RBFOX1: variants seen among roughly 807,000 people sequenced by gnomAD.
The protein encoded by RBFOX1 is RNA binding protein fox-1 homolog 1.
In RBFOX1, 8 loss-of-function variants were observed where a neutral mutation model predicts 57.7. The ratio of observed to expected loss-of-function variants is 0.14; its 90% CI spans 0.08 to 0.25. The LOEUF (loss-of-function observed/expected upper bound fraction) is 0.25. Ranked by LOEUF, RBFOX1 falls within the 10% of genes least tolerant of loss-of-function variation. The pLI is 1.00. For missense variants in RBFOX1, 611 were observed against 548.5 expected (o/e 1.11, Z -1.14); for synonymous variants, 326 against 222.4 (o/e 1.47, Z -4.15).
rs138547529 is a variant in RBFOX1, at chr16:5,835,105, T to C, written c.319-32198T>C. Among the ~76,000 whole-genome samples, 61 of 152,224 alleles carry C rather than the reference T, an allele frequency of 4.0e-4. 1 individual carries two copies. In the East Asian group the frequency reaches 0.011, roughly 27 times the overall value. ...GTGGGATGGCTCAACTTGACACATC[T>C]GTGTCATTATATAGGACCCCCCCCA... On this transcript the variant is annotated intron_variant, in intron 3 of 19. Transcript: ENST00000641259.
In RBFOX1 at chr16:7,295,170, G is replaced by C. The variant is rs533881501; in HGVS notation, c.28-222977G>C. 7.2e-5 allele frequency among the ~76,000 whole-genome samples: 11 copies of C among 152,300 alleles called. No homozygotes were observed. The South Asian group carries it at 2.3e-3, about 32-fold the overall frequency. On this transcript the variant is annotated intron_variant, in intron 4 of 15. Transcript: ENST00000550418. ...TTAATGTGTAAGCTGGCATTCATTT[G>C]ATTCATTAGCAAGGTTAAATAAATT...
At chr16:7,059,763 C>T (rs956662904) in intron 4 of RBFOX1, among the ~76,000 whole-genome samples, 1 of 152,166 alleles carries the variant, frequency 6.6e-6, no homozygotes, top group Non-Finnish European at 1.5e-5. Context: ...TCACCCGTTG[C>T]AGTGTCTGCT....
rs563948834 is a variant in RBFOX1 at position 6,019,772 on chromosome 16, C to G, written c.-347C>G. 1.4e-5 allele frequency: 20 copies of G among 1,408,882 alleles called. No homozygotes were observed. Among genetic ancestry groups the G allele is most frequent in the Non-Finnish European group, 1.8e-5 (19 of 1,080,646 alleles). 87.3% of individuals were successfully genotyped at this position (1,408,882 alleles called of 1,614,324 possible). A position where few individuals can be genotyped will look rare whatever the true frequency, so the allele number is the denominator to read the frequency against. ...GCGCTCCAGACCCCCACCCAGTGGCCGCCAGGGTCCCCGCCTGTCCGGACC... is the reference window on the plus strand; with the variant it reads ...GCGCTCCAGACCCCCACCCAGTGGCGGCCAGGGTCCCCGCCTGTCCGGACC... On this transcript the variant is annotated 5_prime_UTR_variant, in exon 1 of 16. Transcript: ENST00000550418. The surrounding 1 kb of genome is among the most constrained non-coding windows in gnomAD (Gnocchi z 4.2).
At chr16:5,719,905 C>G (rs900675784) in intron 3 of RBFOX1, among the ~76,000 whole-genome samples, 1 of 152,112 alleles carries the variant, frequency 6.6e-6, no homozygotes, top group Non-Finnish European at 1.5e-5. Context: ...TTTGACTTCT[C>G]TCGAAAGTAT....
At chr16:6,257,096 A>T (rs2097672601) in intron 1 of RBFOX1, among the ~76,000 whole-genome samples, 1 of 152,082 alleles carries the variant, frequency 6.6e-6, no homozygotes, top group African/African-American at 2.4e-5. Context: ...TGATTTGGTT[A>T]CTTATTTTTC....
chr16:5,499,868 C>T (rs765774028), intron 2 of RBFOX1, among the ~76,000 whole-genome samples: 12 of 152,062 alleles, frequency 7.9e-5, no homozygotes, highest in African/African-American at 1.7e-4. Flanking sequence ...CCACTGTGCC[C>T]GGCCAAGCCC....
Position 7,711,992 on chromosome 16 carries a change from G to C in RBFOX1, c.*1247G>C, listed in dbSNP as rs2084064085. The C allele has an allele frequency of 1.3e-5, 2 of 152,486 alleles. No homozygotes were observed. Among genetic ancestry groups the C allele is most frequent in the South Asian group, 4.2e-4 (2 of 4,802 alleles). The allele number at this position is 152,486 out of a possible 1,614,324, so 9.4% of individuals were successfully genotyped here. On this transcript the variant is annotated 3_prime_UTR_variant, in exon 16 of 16. Transcript: ENST00000550418. Reference sequence around the variant, plus strand: ...ATCTCAAAATGATCTCTTTAGTTCTGTCTCCAAGGCCCAGGACACTTGTCA... The same window carrying C: ...ATCTCAAAATGATCTCTTTAGTTCTCTCTCCAAGGCCCAGGACACTTGTCA...
At chr16:5,565,985 TC>T (rs2046053975) in intron 2 of RBFOX1, among the ~76,000 whole-genome samples, 1 of 152,102 alleles carries the variant, frequency 6.6e-6, no homozygotes, top group Non-Finnish European at 1.5e-5. Flanking sequence ...AGTGAATAAG[TC>T]TCCTGAGATC....
intron 1 of RBFOX1, among the ~76,000 whole-genome samples, chr16:6,046,409 C>A (rs1448766320): frequency 6.6e-6 from 1 of 152,056 alleles, no homozygotes; most frequent in Non-Finnish European, 1.5e-5. Context: ...TGACAAGACC[C>A]CAGGGCTCCA....
intron 4 of RBFOX1, among the ~76,000 whole-genome samples, chr16:7,202,802 G>C (rs186734920): frequency 3.9e-5 from 6 of 152,238 alleles, no homozygotes; most frequent in African/African-American, 1.2e-4. Context: ...CCCTGCAACA[G>C]CCCCCCACCC....
chr16:7,698,292 A>C (rs1481152949), intron 14 of RBFOX1, among the ~76,000 whole-genome samples: 1 of 151,992 alleles, frequency 6.6e-6, no homozygotes, highest in Non-Finnish European at 1.5e-5. Flanking sequence ...CCCACCATGC[A>C]TTCCCTTAGC....
chr16:5,784,567 G>T (rs1253867419), intron 3 of RBFOX1, among the ~76,000 whole-genome samples: 1 of 152,152 alleles, frequency 6.6e-6, no homozygotes, highest in Admixed American at 6.5e-5. Flanking sequence ...CTGGGATGGT[G>T]CTAAACTCTT....
chr16:5,627,826 A>G (rs544999034), intron 3 of RBFOX1, among the ~76,000 whole-genome samples: 1 of 152,360 alleles, frequency 6.6e-6, no homozygotes, highest in Non-Finnish European at 1.5e-5. Flanking sequence ...CATAGGTTCT[A>G]TGCAAATACT....
intron 2 of RBFOX1, among the ~76,000 whole-genome samples, chr16:6,324,634 G>C (rs2082168189): frequency 6.6e-6 from 1 of 152,178 alleles, no homozygotes; most frequent in African/African-American, 2.4e-5. Flanking sequence ...AACTGTTCAT[G>C]AGAAACTGCC....
chr16:7,643,062 A>G (rs1281625954), intron 11 of RBFOX1, among the ~76,000 whole-genome samples: 2 of 152,238 alleles, frequency 1.3e-5, no homozygotes, highest in Admixed American at 6.5e-5. Flanking sequence ...CTAGCCATTT[A>G]TAACCTGTGA....
intron 4 of RBFOX1, among the ~76,000 whole-genome samples, chr16:7,402,506 CT>C (rs2098261986): frequency 6.6e-6 from 1 of 152,174 alleles, no homozygotes; most frequent in Non-Finnish European, 1.5e-5. Flanking sequence ...ATAAAGACTC[CT>C]TGCTGCTGTC....
chr16:5,497,890 C>T (rs186185102), intron 2 of RBFOX1, among the ~76,000 whole-genome samples: 1 of 152,114 alleles, frequency 6.6e-6, no homozygotes, highest in East Asian at 1.9e-4. Flanking sequence ...GTTTGTCCCT[C>T]TGAGGAGGTG....
intron 2 of RBFOX1, among the ~76,000 whole-genome samples, chr16:6,408,599 A>C (rs1266718618): frequency 1.3e-5 from 2 of 152,094 alleles, no homozygotes; most frequent in African/African-American, 4.8e-5. Context: ...AGTGTCTATG[A>C]AGTGTCCTCT....
chr16:5,286,781 G>C (rs2063405509), intron 1 of RBFOX1, among the ~76,000 whole-genome samples: 1 of 152,232 alleles, frequency 6.6e-6, no homozygotes, highest in African/African-American at 2.4e-5. Context: ...CAGTGAAGCA[G>C]TGGTACCATC....
Sources: allele counts gnomAD v4.1 joint callset (sites outside exome capture counted in the v4.1 genomes callset), GRCh38; gene constraint gnomAD v4.1.1; non-coding constraint Gnocchi (gnomAD v3.1); transcripts MANE v1.5; gene names NCBI Gene and HGNC (gene_info 2026-07-23, HGNC 2026-07-21).